OR7C1: variants seen among roughly 807,000 people sequenced by gnomAD.
OR7C1 encodes olfactory receptor 7C1.
For synonymous variants in OR7C1, 152 were observed against 160.7 expected, an observed-to-expected ratio of 0.95 and a Z score of 0.41; for missense variants, 324 against 383.3, an observed-to-expected ratio of 0.85 and a Z score of 1.29.
chr19:14,828,612 A>G, intron 1 of OR7C1, among the ~76,000 whole-genome samples: 1 of 151,982 alleles, frequency 6.6e-6, no homozygotes, highest in Non-Finnish European at 1.5e-5. Context: ...TACAAAAATT[A>G]GCCTGGTGTA....
In OR7C1 at chr19:14,827,397, G is replaced by C. The variant is rs149403537; in HGVS notation, c.-623+7677C>G. 39 of 1,613,972 alleles carry C rather than the reference G, an allele frequency of 2.4e-5. No homozygotes were observed. Among genetic ancestry groups the C allele is most frequent in the Middle Eastern group, 3.3e-4 (2 of 6,054 alleles). On this transcript the variant is annotated intron_variant, in intron 1 of 4. Transcript: ENST00000641666. ...ATAGATAAAGGGGTTCAGCATGGGG[G>C]TGACCACAGTGTACATCACTGAGGC...
intron 1 of OR7C1, among the ~76,000 whole-genome samples, chr19:14,830,268 A>G (rs1446929361): frequency 6.6e-6 from 1 of 152,202 alleles, no homozygotes; most frequent in African/African-American, 2.4e-5. Flanking sequence ...TTGGACTTCC[A>G]TTTTGGTATG....
chr19:14,802,844 A>G (rs933845117), intron 2 of OR7C1, among the ~76,000 whole-genome samples: 1 of 152,178 alleles, frequency 6.6e-6, no homozygotes, highest in Non-Finnish European at 1.5e-5. Flanking sequence ...TCTCACGCCA[A>G]GGAAATTGAG....
At chr19:14,799,724 G>C (rs1199863371) in exon 5 of OR7C1, 1 of 1,614,080 alleles carries the variant, frequency 6.2e-7, no homozygotes. Flanking sequence ...ACAGAGCTGG[G>C]GGTTCATGAT....
At chr19:14,810,916 A>G (rs1177662139) in intron 1 of OR7C1, among the ~76,000 whole-genome samples, 1 of 151,878 alleles carries the variant, frequency 6.6e-6, no homozygotes, top group Non-Finnish European at 1.5e-5. Context: ...TTTTTGGGCT[A>G]TATTTCTATG....
intron 1 of OR7C1, among the ~76,000 whole-genome samples, chr19:14,817,028 C>T (rs909514961): frequency 6.6e-6 from 1 of 152,186 alleles, no homozygotes; most frequent in Middle Eastern, 3.4e-3. Flanking sequence ...ATACAGGGAG[C>T]TGTGGCCCTC....
intron 1 of OR7C1, chr19:14,828,291 A>C (rs747111149): frequency 6.5e-7 from 1 of 1,546,902 alleles, no homozygotes; most frequent in African/African-American, 1.4e-5. Context: ...GAAACGAGAC[A>C]GGCATGCATT....
chr19:14,799,843 G>A (rs1260639055), exon 5 of OR7C1: 1 of 1,614,080 alleles, frequency 6.2e-7, no homozygotes, highest in African/African-American at 1.3e-5. Flanking sequence ...AAATCTGACT[G>A]AGACAGCCTG....
chr19:14,815,897 C>T lies in OR7C1; in HGVS notation c.-622-5904G>A, dbSNP rs536458694. ...CGTACAGTGGTGCAATCATGGCTCA[C>T]TGCAGCCTCTACCTCCCCAGCTCAA... On this transcript the variant is annotated intron_variant, in intron 1 of 4. Coordinates refer to ENST00000641666, the Ensembl canonical transcript of OR7C1. 2.6e-5 allele frequency among the ~76,000 whole-genome samples: 4 copies of T among 152,136 alleles called. No homozygotes were observed. The South Asian group carries it at 8.3e-4, about 32-fold the overall frequency.
At chr19:14,828,254 A>T in intron 1 of OR7C1, 1 of 1,600,416 alleles carries the variant, frequency 6.2e-7, no homozygotes, top group Non-Finnish European at 8.5e-7. Context: ...GATTGAAGTG[A>T]CTATCAGAGA....
At chr19:14,831,259 A>G (rs1177428124) in intron 1 of OR7C1, among the ~76,000 whole-genome samples, 2 of 152,162 alleles carry the variant, frequency 1.3e-5, no homozygotes, top group Admixed American at 1.3e-4. Flanking sequence ...ACAATTCACA[A>G]AAAGAAACAT....
At chr19:14,803,307 C>CAAAAAAA (rs553496845) in intron 2 of OR7C1, among the ~76,000 whole-genome samples, 7 of 83,550 alleles carry the variant, frequency 8.4e-5, no homozygotes, top group Admixed American at 2.8e-4. Context: ...ACTATGTCTC[C>CAAAAAAA]AAAAAAAAAA....
In OR7C1 at chr19:14,827,880, T is replaced by C. The variant is rs542586489; in HGVS notation, c.-623+7194A>G. ...GGGGTGACAGATGGCCACAAACCGGTCATAGGCCATCACGGACAGGAGGAA... is the reference window on the plus strand; with the variant it reads ...GGGGTGACAGATGGCCACAAACCGGCCATAGGCCATCACGGACAGGAGGAA... On this transcript the variant is annotated intron_variant, in intron 1 of 4. Transcript: ENST00000641666. 3.1e-6 allele frequency: 5 copies of C among 1,614,144 alleles called. No homozygotes were observed. The South Asian group carries it at 4.4e-5, about 14-fold the overall frequency.
At chr19:14,816,597 A>T (rs1460517733) in intron 1 of OR7C1, among the ~76,000 whole-genome samples, 2 of 152,180 alleles carry the variant, frequency 1.3e-5, no homozygotes, top group African/African-American at 4.8e-5. Context: ...CCGCAGACTG[A>T]AGGCTGCACT....
chr19:14,819,401 A>C (rs961913552), intron 1 of OR7C1, among the ~76,000 whole-genome samples: 2 of 151,778 alleles, frequency 1.3e-5, no homozygotes, highest in African/African-American at 4.8e-5. Flanking sequence ...GCTCCCAGTT[A>C]TAAGTGGGAA....
At chr19:14,834,179 C>T (rs999260045) in intron 1 of OR7C1, among the ~76,000 whole-genome samples, 7 of 151,988 alleles carry the variant, frequency 4.6e-5, no homozygotes, top group Non-Finnish European at 5.9e-5. Context: ...GGAGGATCAC[C>T]GGAGCCAAGG....
intron 1 of OR7C1, chr19:14,827,264 A>G: frequency 6.6e-7 from 1 of 1,514,620 alleles, no homozygotes; most frequent in Non-Finnish European, 8.8e-7. Context: ...ACTACCTCTG[A>G]AGCTTAGAGC....
intron 2 of OR7C1, among the ~76,000 whole-genome samples, chr19:14,806,128 A>G (rs2044665539): frequency 6.6e-6 from 1 of 151,748 alleles, no homozygotes; most frequent in Non-Finnish European, 1.5e-5. Flanking sequence ...GTTTACTGCT[A>G]TTTTTTTCAG....
intron 1 of OR7C1, among the ~76,000 whole-genome samples, chr19:14,811,429 C>T (rs528188944): frequency 1.3e-5 from 2 of 151,940 alleles, no homozygotes; most frequent in African/African-American, 4.8e-5. Flanking sequence ...CTGTGCATGT[C>T]GCTTATAAAG....
Sources: gnomAD v4.1 joint callset for allele counts (sites outside exome capture counted in the v4.1 genomes callset) on GRCh38, gnomAD v4.1.1 for gene constraint, MANE v1.5 for transcripts, NCBI Gene and HGNC (gene_info 2026-07-23, HGNC 2026-07-21) for gene names.